ADAMTSL3: variants seen among roughly 807,000 people sequenced by gnomAD.
ADAMTSL3 encodes the protein ADAMTS-like protein 3.
Under a neutral mutation model 201.7 loss-of-function variants are expected in ADAMTSL3, and 128 were observed. The ratio of observed to expected loss-of-function variants is 0.63; its 90% CI spans 0.55 to 0.73. The LOEUF (loss-of-function observed/expected upper bound fraction) is 0.73, where lower values mean the gene tolerates loss of function less well. Among genes scored for constraint, ADAMTSL3 ranks in the 30% least tolerant of loss-of-function variants. ADAMTSL3 has a pLI of 0.00. For missense variants in ADAMTSL3, 1,990 were observed against 2,119.6 expected (o/e 0.94, Z 1.20); for synonymous variants, 738 against 748.4 (o/e 0.99, Z 0.23).
chr15:83,751,752 T>C (rs2062640346), intron 3 of ADAMTSL3, among the ~76,000 whole-genome samples: 1 of 152,208 alleles, frequency 6.6e-6, no homozygotes, highest in African/African-American at 2.4e-5. Context: ...GTTACTTTCA[T>C]CTTGATTCAC....
chr15:83,972,049 A>G (rs1321511439), intron 20 of ADAMTSL3, among the ~76,000 whole-genome samples: 1 of 152,120 alleles, frequency 6.6e-6, no homozygotes, highest in South Asian at 2.1e-4. Flanking sequence ...AGCAATTACT[A>G]TGTGGAGTTC....
intron 5 of ADAMTSL3, among the ~76,000 whole-genome samples, chr15:83,812,535 C>T (rs893748383): frequency 2.0e-5 from 3 of 152,142 alleles, no homozygotes; most frequent in African/African-American, 7.2e-5. Flanking sequence ...CTTTTCAGTC[C>T]CATCCAAGAG....
chr15:83,978,397 G>A (rs1431937204), intron 20 of ADAMTSL3, among the ~76,000 whole-genome samples: 1 of 151,286 alleles, frequency 6.6e-6, no homozygotes, highest in East Asian at 1.9e-4. Context: ...GGGAGAGGTG[G>A]AGGGATGGGT....
intron 7 of ADAMTSL3, among the ~76,000 whole-genome samples, chr15:83,856,049 A>C (rs2064724116): frequency 6.6e-6 from 1 of 150,814 alleles, no homozygotes; most frequent in Admixed American, 6.6e-5. Context: ...AAAAACAACA[A>C]AGCATGATGA....
intron 16 of ADAMTSL3, among the ~76,000 whole-genome samples, chr15:83,919,245 C>T (rs1345526703): frequency 1.3e-5 from 2 of 152,068 alleles, no homozygotes; most frequent in South Asian, 4.2e-4. Flanking sequence ...CAAGAATTTT[C>T]AGGAGAATAC....
In ADAMTSL3 at chr15:84,035,523, ATAT is replaced by A. The variant is rs1487501903; in HGVS notation, c.4755-1249_4755-1247del. Among the ~76,000 whole-genome samples, 93 of 152,268 alleles carry A rather than the reference ATAT, an allele frequency of 6.1e-4. 1 individual carries two copies. Among genetic ancestry groups the A allele is most frequent in the Middle Eastern group, 3.4e-3 (1 of 294 alleles). ...CTAACAGGACACCCACCTCTTCCAT[ATAT>A]CGTATGAACAGTTTGGTAGGACAGC... is the stretch of plus-strand genomic sequence containing the variant. On this transcript the variant is annotated intron_variant, in intron 28 of 29. Coordinates refer to ENST00000286744, the MANE Select transcript of ADAMTSL3 (RefSeq NM_207517.3).
chr15:83,745,898 A>G (rs980575452), intron 3 of ADAMTSL3, among the ~76,000 whole-genome samples: 4 of 152,226 alleles, frequency 2.6e-5, no homozygotes, highest in Admixed American at 6.5e-5. Context: ...TGTGTCAGGT[A>G]CATTATCAAA....
chr15:83,928,262 A>T (rs2066286298), intron 17 of ADAMTSL3, among the ~76,000 whole-genome samples: 1 of 152,100 alleles, frequency 6.6e-6, no homozygotes, highest in South Asian at 2.1e-4. Context: ...ACATCCTCTC[A>T]TCTCAACCTT....
chr15:83,801,688 ATATATATG>A (rs1207231605), intron 4 of ADAMTSL3, among the ~76,000 whole-genome samples: 2 of 82,082 alleles, frequency 2.4e-5, no homozygotes, highest in African/African-American at 8.3e-5. Flanking sequence ...ATATATATAT[ATATATATG>A]TATGTATGAG....
rs182273440 is a variant in ADAMTSL3 at position 83,948,589 on chromosome 15, A to C, written c.2490+5507A>C. Among the ~76,000 whole-genome samples the C allele has an allele frequency of 2.5e-3, 382 of 152,276 alleles. 3 individuals are homozygous for C. The highest frequency in any genetic ancestry group is 3.9e-3 in the Admixed American group (60 of 15,266). On this transcript the variant is annotated intron_variant, in intron 19 of 29. Coordinates refer to ENST00000286744, the MANE Select transcript of ADAMTSL3 (RefSeq NM_207517.3). Reference sequence around the variant, plus strand: ...TAAGACATTTTTTATCTTTATCTTCATAACTGGTGTTTCTTGGGGCCAGGA... The same window carrying C: ...TAAGACATTTTTTATCTTTATCTTCCTAACTGGTGTTTCTTGGGGCCAGGA...
At chr15:83,882,180 AAGAC>A (rs1246861884) in intron 9 of ADAMTSL3, among the ~76,000 whole-genome samples, 1 of 152,128 alleles carries the variant, frequency 6.6e-6, no homozygotes, top group Non-Finnish European at 1.5e-5. Flanking sequence ...AGAAAGAAAA[AAGAC>A]AGAAAAAGAA....
At chr15:83,727,988 T>G (rs2062205822) in intron 3 of ADAMTSL3, among the ~76,000 whole-genome samples, 1 of 152,010 alleles carries the variant, frequency 6.6e-6, no homozygotes, top group Non-Finnish European at 1.5e-5. Flanking sequence ...ATTATTGTTA[T>G]TGGAATCTAT....
chr15:83,878,594 A>T (rs2065218818), intron 9 of ADAMTSL3, among the ~76,000 whole-genome samples: 4 of 145,200 alleles, frequency 2.8e-5, no homozygotes. Context: ...AGCCTGGGTG[A>T]CAGAGTGAGA....
At chr15:83,669,544 TG>T (rs1427655067) in intron 2 of ADAMTSL3, among the ~76,000 whole-genome samples, 1 of 139,976 alleles carries the variant, frequency 7.1e-6, no homozygotes, top group African/African-American at 2.7e-5. Context: ...CTCGGCTCGC[TG>T]CAAGCTCTGC....
intron 26 of ADAMTSL3, among the ~76,000 whole-genome samples, chr15:84,024,790 G>A (rs149361638): frequency 3.6e-4 from 55 of 152,266 alleles, no homozygotes; most frequent in African/African-American, 1.2e-3. Flanking sequence ...GTGGACATCC[G>A]TTTCTTTTCT....
intron 20 of ADAMTSL3, among the ~76,000 whole-genome samples, chr15:83,971,670 G>A (rs1038839839): frequency 1.3e-5 from 2 of 151,266 alleles, no homozygotes; most frequent in African/African-American, 4.8e-5. Context: ...GCAGCAGAGT[G>A]GTGGTGAGGA....
Position 83,817,409 on chromosome 15 carries a change from A to C in ADAMTSL3, c.364-2402A>C, listed in dbSNP as rs529377468. Among the ~76,000 whole-genome samples, 5 of 152,374 alleles carry C rather than the reference A, an allele frequency of 3.3e-5. No homozygotes were observed. The East Asian group carries it at 9.6e-4, about 29-fold the overall frequency. On this transcript the variant is annotated intron_variant, in intron 5 of 29. Coordinates refer to ENST00000286744, the MANE Select transcript of ADAMTSL3 (RefSeq NM_207517.3). Reference sequence around the variant, plus strand: ...ATGACTGCTAATCTGTAAAGGAACTAGGAAGATACATTTAAGTATTTATCT... The same window carrying C: ...ATGACTGCTAATCTGTAAAGGAACTCGGAAGATACATTTAAGTATTTATCT...
At chr15:83,829,098 A>G (rs2064093136) in intron 6 of ADAMTSL3, among the ~76,000 whole-genome samples, 1 of 152,200 alleles carries the variant, frequency 6.6e-6, no homozygotes, top group Non-Finnish European at 1.5e-5. Context: ...TTCAGAAGGA[A>G]TGGTACCAGC....
At chr15:83,976,578 C>T (rs2067291984) in intron 20 of ADAMTSL3, among the ~76,000 whole-genome samples, 1 of 151,812 alleles carries the variant, frequency 6.6e-6, no homozygotes, top group African/African-American at 2.4e-5. Flanking sequence ...TAGATGGTCC[C>T]ATCCGGGGTT....
Sources: allele counts gnomAD v4.1 joint callset (sites outside exome capture counted in the v4.1 genomes callset), GRCh38; gene constraint gnomAD v4.1.1; transcripts MANE v1.5; gene names NCBI Gene and HGNC (gene_info 2026-07-23, HGNC 2026-07-21).